VGLL4: variants seen among roughly 807,000 people sequenced by gnomAD.
VGLL4 encodes the protein vestigial like family member 4, also known as transcription cofactor vestigial-like protein 4.
A neutral mutation model predicts 21.0 loss-of-function variants in VGLL4; 7 were observed. The observed-to-expected ratio is 0.33, with a 90% CI of 0.19 to 0.63. VGLL4 has a LOEUF of 0.63. VGLL4 is among the 20% of genes least tolerant of loss of function. The probability of loss-of-function intolerance (pLI) is 0.78; values close to 1 mark genes in which losing one functional copy is unlikely to be tolerated. For missense variants in VGLL4, 394 were observed against 425.7 expected (o/e 0.93, Z 0.66); for synonymous variants, 222 against 173.2 (o/e 1.28, Z -2.21).
chr3:11,696,079 C>T (rs1379194739), intron 2 of VGLL4, among the ~76,000 whole-genome samples: 1 of 152,172 alleles, frequency 6.6e-6, no homozygotes, highest in African/African-American at 2.4e-5. Context: ...TTGGGCTTTC[C>T]TGATGAAATT....
In VGLL4 at chr3:11,557,417, C is replaced by T. The variant is rs1291236243; in HGVS notation, c.*1139G>A. ...GTAGGGAAGTTGGAAGACACAAACC[C>T]CACCTCCCCTGGGAGCTTGTAACAA... On this transcript the variant is annotated 3_prime_UTR_variant, in exon 5 of 5. Transcript: ENST00000430365. The T allele has an allele frequency of 6.6e-6, 1 of 152,670 alleles. No individual in the cohort carries two copies. Among genetic ancestry groups the T allele is most frequent in the Non-Finnish European group, 1.5e-5 (1 of 68,026 alleles). 9.5% of individuals were successfully genotyped at this position (152,670 alleles called of 1,614,324 possible).
At chr3:11,709,435 TAAAAAAAAAAAAA>T (rs58100629) in intron 1 of VGLL4, among the ~76,000 whole-genome samples, 14 of 108,840 alleles carry the variant, frequency 1.3e-4, no homozygotes, top group African/African-American at 1.7e-4. Context: ...AGACTCCGTC[TAAAAAAAAAAAAA>T]AAAAAAAAAA....
chr3:11,641,087 A>G (rs1352862182), intron 1 of VGLL4, among the ~76,000 whole-genome samples: 1 of 146,050 alleles, frequency 6.8e-6, no homozygotes, highest in African/African-American at 2.6e-5. Flanking sequence ...ATTGCACTCC[A>G]GCCTGGGGGA....
intron 2 of VGLL4, among the ~76,000 whole-genome samples, chr3:11,668,112 C>A (rs1226754152): frequency 1.3e-5 from 2 of 151,872 alleles, no homozygotes; most frequent in Non-Finnish European, 2.9e-5. Context: ...GCCTTGGCCT[C>A]CCAAAGTGCT....
intron 2 of VGLL4, among the ~76,000 whole-genome samples, chr3:11,679,911 A>G (rs1045122597): frequency 1.7e-4 from 26 of 152,222 alleles, no homozygotes; most frequent in African/African-American, 6.3e-4. Flanking sequence ...CAGTGTTTGC[A>G]GAGTCGTAGG....
At chr3:11,622,381 A>G (rs763230226) in intron 1 of VGLL4, among the ~76,000 whole-genome samples, 1 of 150,870 alleles carries the variant, frequency 6.6e-6, no homozygotes, top group African/African-American at 2.5e-5. Context: ...CAGAAATTCA[A>G]TCTGTCTTCC....
chr3:11,668,322 A>G (rs2076156731), intron 2 of VGLL4, among the ~76,000 whole-genome samples: 1 of 152,096 alleles, frequency 6.6e-6, no homozygotes, highest in Non-Finnish European at 1.5e-5. Flanking sequence ...TAGGGTAACC[A>G]TTTTTTCTAA....
At chr3:11,700,348 A>G (rs1187829188) in intron 2 of VGLL4, among the ~76,000 whole-genome samples, 1 of 152,220 alleles carries the variant, frequency 6.6e-6, no homozygotes, top group Non-Finnish European at 1.5e-5. Flanking sequence ...AAAGTTGGGC[A>G]TTGTAAAAGA....
intron 1 of VGLL4, among the ~76,000 whole-genome samples, chr3:11,619,306 A>G (rs1180569163): frequency 6.6e-6 from 1 of 152,242 alleles, no homozygotes; most frequent in Non-Finnish European, 1.5e-5. Flanking sequence ...AAATAGAAAC[A>G]TAACGACAAA....
upstream of VGLL4, among the ~76,000 whole-genome samples, chr3:11,645,762 A>G (rs961231561): frequency 6.6e-6 from 1 of 152,054 alleles, no homozygotes; most frequent in Non-Finnish European, 1.5e-5. Flanking sequence ...ACTTGAGGTC[A>G]GGAGTTTGAG....
chr3:11,604,103 G>T (rs1254704276), intron 1 of VGLL4, among the ~76,000 whole-genome samples: 3 of 152,140 alleles, frequency 2.0e-5, no homozygotes, highest in Admixed American at 2.0e-4. Flanking sequence ...ACGGGTGGGG[G>T]TGGGACCAGG....
In VGLL4 at chr3:11,643,535, G is replaced by A. The variant is rs747133705; in HGVS notation, c.-17C>T. ...AAATAGCATTTATTGGGCTAGCAAAGAAAACCAGCTCTTTGCTTTTGCCCC... is the reference window on the plus strand; with the variant it reads ...AAATAGCATTTATTGGGCTAGCAAAAAAAACCAGCTCTTTGCTTTTGCCCC... On this transcript the variant is annotated 5_prime_UTR_variant, in exon 1 of 5. Transcript: ENST00000430365. 4 of 1,613,860 alleles carry A rather than the reference G, an allele frequency of 2.5e-6. No individual in the cohort carries two copies. In the South Asian group the frequency reaches 4.4e-5, roughly 18 times the overall value.
At chr3:11,714,812 T>G (rs2076896393) in intron 1 of VGLL4, among the ~76,000 whole-genome samples, 1 of 152,200 alleles carries the variant, frequency 6.6e-6, no homozygotes, top group Non-Finnish European at 1.5e-5. Flanking sequence ...GCGACACATA[T>G]TCTTAGGGAC....
chr3:11,692,597 T>A (rs2076543445), intron 2 of VGLL4, among the ~76,000 whole-genome samples: 1 of 152,134 alleles, frequency 6.6e-6, no homozygotes, highest in Non-Finnish European at 1.5e-5. Context: ...CGCTCCCCTG[T>A]GGTGCCTGAA....
Position 11,568,997 on chromosome 3 carries a change from T to C in VGLL4, c.273-3978A>G, listed in dbSNP as rs1454435149. ...GAAAGAGAGGCCTACAACACCATCA[T>C]CCAGGACAGAGCTTTCTGAGTACTG... On this transcript the variant is annotated intron_variant, in intron 2 of 4. Coordinates refer to ENST00000430365, the MANE Select transcript of VGLL4 (RefSeq NM_001128219.3). This position sits in a 1 kb window ranked among gnomAD's most constrained non-coding sequence, Gnocchi z 5.9. The C allele has an allele frequency of 4.7e-6, 5 of 1,053,082 alleles. No individual in the cohort carries two copies. The highest frequency in any genetic ancestry group is 5.8e-6 in the Non-Finnish European group (5 of 858,400). The allele number at this position is 1,053,082 out of a possible 1,614,324, so 65.2% of individuals were successfully genotyped here.
At chr3:11,711,433 A>G (rs13080420) in intron 1 of VGLL4, among the ~76,000 whole-genome samples, 83,876 of 151,574 alleles carry the variant, frequency 0.55, 23,612 homozygotes, top group African/African-American at 0.64. Flanking sequence ...GCATGGTGGC[A>G]GGCACCTGTG....
intron 2 of VGLL4, among the ~76,000 whole-genome samples, chr3:11,695,543 A>C (rs2076595031): frequency 6.6e-6 from 1 of 152,206 alleles, no homozygotes. Context: ...GTAGATAAAA[A>C]CAACTGGTGA....
intron 2 of VGLL4, among the ~76,000 whole-genome samples, chr3:11,649,351 T>C (rs1371939026): frequency 6.6e-6 from 1 of 152,202 alleles, no homozygotes; most frequent in Non-Finnish European, 1.5e-5. Context: ...GGAAAAAGTA[T>C]ACATTAAAAA....
Position 11,601,851 on chromosome 3 carries a change from C to T in VGLL4, c.254G>A (p.Arg85His), listed in dbSNP as rs757511716. 20 of 1,613,486 alleles carry T rather than the reference C, an allele frequency of 1.2e-5. No homozygotes were observed. The highest frequency in any genetic ancestry group is 6.7e-5 in the Admixed American group (4 of 59,938). ...CDNDHVSKMS[R>H]IFNPHLNKTA... The stretch of plus-strand genomic sequence containing the variant: ...AACTCACAGATGGGGGTTGAAGATG[C>T]GACTCATTTTGGAGACGTGGTCGTT... The change falls in exon 2 of 5, where the codon CGC becomes CAC. Residue 85 changes from arginine to histidine, a missense_variant. Physicochemically the swap from Arg to His is conservative, Grantham distance 29. Coordinates refer to ENST00000430365, the MANE Select transcript of VGLL4 (RefSeq NM_001128219.3).
Sources: allele counts gnomAD v4.1 joint callset (sites outside exome capture counted in the v4.1 genomes callset), GRCh38; gene constraint gnomAD v4.1.1; non-coding constraint Gnocchi (gnomAD v3.1); transcripts MANE v1.5; gene names NCBI Gene and HGNC (gene_info 2026-07-23, HGNC 2026-07-21).